The following RNF180 variants were observed in gnomAD, a reference collection of about 807,000 sequenced individuals.
The protein encoded by RNF180 is ring finger protein 180.
In RNF180, 38 loss-of-function variants were observed where a neutral mutation model predicts 59.2. The observed-to-expected ratio is 0.64, with a 90% CI of 0.50 to 0.84. The LOEUF (loss-of-function observed/expected upper bound fraction) is 0.84. Ranked by LOEUF, RNF180 falls within the 40% of genes least tolerant of loss-of-function variation. The pLI is 0.00. For synonymous variants in RNF180, 262 were observed against 240.3 expected (o/e 1.09, Z -0.84); for missense variants, 705 against 700.9 (o/e 1.01, Z -0.07).
At position 64,173,509 on chromosome 5, in the gene RNF180, T is replaced by C. The variant is rs551735866; in HGVS notation, c.-1+7556T>C. On this transcript the variant is annotated intron_variant, in intron 1 of 7. Transcript: ENST00000389100. ...TCTCTCTTCTTGGTATTTTGAAATA[T>C]ATACAATATAGTGTCGTTAACTATA... Among the ~76,000 whole-genome samples, 4 of 152,296 alleles carry C rather than the reference T, an allele frequency of 2.6e-5. No individual in the cohort carries two copies. In the South Asian group the frequency reaches 8.3e-4, roughly 32 times the overall value.
rs1752519153 is a variant in RNF180, at chr5:64,214,625, T to C, written c.1191+108T>C. The C allele has an allele frequency of 3.2e-6, 3 of 938,736 alleles. No individual in the cohort carries two copies. In the South Asian group the frequency reaches 5.2e-5, roughly 16 times the overall value. 58.2% of individuals were successfully genotyped at this position (938,736 alleles called of 1,614,324 possible). On this transcript the variant is annotated intron_variant, in intron 4 of 7. Transcript: ENST00000389100. The stretch of plus-strand genomic sequence containing the variant: ...TATAATAAAAACTTGGTTTTAGTAA[T>C]TCTGGAAATGCTATTTCTCTCTGAG...
intron 5 of RNF180, among the ~76,000 whole-genome samples, chr5:64,224,107 A>G (rs557053304): frequency 7.0e-4 from 102 of 145,154 alleles, no homozygotes; most frequent in South Asian, 2.1e-3. Flanking sequence ...GTGTGTGTAC[A>G]TACATATTTA....
At chr5:64,207,337 GAT>G (rs1476345990) in intron 2 of RNF180, among the ~76,000 whole-genome samples, 1 of 151,992 alleles carries the variant, frequency 6.6e-6, no homozygotes, top group East Asian at 1.9e-4. Flanking sequence ...CCTGTGTAGA[GAT>G]ATGATGGATA....
intron 1 of RNF180, among the ~76,000 whole-genome samples, chr5:64,189,589 T>C (rs1268942173): frequency 6.6e-6 from 1 of 152,162 alleles, no homozygotes; most frequent in Non-Finnish European, 1.5e-5. Flanking sequence ...GTAAGCGAAG[T>C]GTTGAAGATG....
At chr5:64,209,700 A>G (rs761152029) in intron 2 of RNF180, among the ~76,000 whole-genome samples, 7 of 152,056 alleles carry the variant, frequency 4.6e-5, no homozygotes, top group Non-Finnish European at 8.8e-5. Flanking sequence ...AGTCAGAACA[A>G]AATTCTGGAT....
intron 5 of RNF180, among the ~76,000 whole-genome samples, chr5:64,268,730 A>G (rs1032213167): frequency 2.0e-5 from 3 of 152,158 alleles, no homozygotes; most frequent in Non-Finnish European, 4.4e-5. Flanking sequence ...GCTCATCTAC[A>G]GTGCTGCAGC....
chr5:64,367,501 C>T (rs1746496728), intron 7 of RNF180, among the ~76,000 whole-genome samples: 1 of 151,574 alleles, frequency 6.6e-6, no homozygotes, highest in Admixed American at 6.6e-5. Context: ...TCTACAAATT[C>T]TGTTTAAATA....
Position 64,194,111 on chromosome 5 carries a change from G to A in RNF180, c.1-6697G>A, listed in dbSNP as rs143473140. Among the ~76,000 whole-genome samples, 533 of 152,072 alleles carry A rather than the reference G, an allele frequency of 3.5e-3. 7 individuals are homozygous for A. The highest frequency in any genetic ancestry group is 0.012 in the African/African-American group (488 of 41,494). On this transcript the variant is annotated intron_variant, in intron 1 of 7. Transcript: ENST00000389100. ...GTTGGTGTGCTGCACCCATTAACTC[G>A]TCATTTAACATTAGGTATATCTCCT...
intron 5 of RNF180, among the ~76,000 whole-genome samples, chr5:64,227,495 G>A (rs538382266): frequency 3.8e-4 from 58 of 152,316 alleles, no homozygotes; most frequent in Non-Finnish European, 6.6e-4. Flanking sequence ...TCAGCTGGTT[G>A]TTGGCCTTTG....
intron 5 of RNF180, among the ~76,000 whole-genome samples, chr5:64,242,638 G>A (rs150920485): frequency 4.6e-5 from 7 of 152,214 alleles, no homozygotes; most frequent in African/African-American, 1.7e-4. Flanking sequence ...AATGAGAAGA[G>A]AAAGATAAAG....
intron 5 of RNF180, among the ~76,000 whole-genome samples, chr5:64,233,702 C>T (rs768296957): frequency 4.6e-5 from 7 of 152,310 alleles, no homozygotes; most frequent in South Asian, 2.1e-4. Context: ...TATTCCTTTA[C>T]GGCCCTAACA....
intron 7 of RNF180, among the ~76,000 whole-genome samples, 160 bp from the exon 8 acceptor site, chr5:64,369,455 T>TATA (rs1482186378): frequency 2.3e-5 from 3 of 131,032 alleles, no homozygotes; most frequent in Non-Finnish European, 4.8e-5. Context: ...AAACTTAAAG[T>TATA]ATAATAATAA....
chr5:64,226,182 C>T lies in RNF180; in HGVS notation c.1227+8786C>T, dbSNP rs571848288. 3.9e-5 allele frequency among the ~76,000 whole-genome samples: 6 copies of T among 152,270 alleles called. No homozygotes were observed. In the South Asian group the frequency reaches 1.2e-3, roughly 32 times the overall value. On this transcript the variant is annotated intron_variant, in intron 5 of 7. Coordinates refer to ENST00000389100, the MANE Select transcript of RNF180 (RefSeq NM_001113561.2). ...ACAGCTCCGAAGAGGCAGCGACCAT[C>T]GAGAACGGGCCATGATGACAATGGC...
intron 5 of RNF180, among the ~76,000 whole-genome samples, chr5:64,294,037 A>G (rs991648950): frequency 3.3e-5 from 5 of 152,212 alleles, no homozygotes; most frequent in African/African-American, 9.6e-5. Flanking sequence ...ACATACTTCA[A>G]AATGACCTGC....
intron 6 of RNF180, among the ~76,000 whole-genome samples, chr5:64,329,654 C>T (rs1357182483): frequency 2.0e-5 from 3 of 151,974 alleles, no homozygotes; most frequent in Admixed American, 2.0e-4. Context: ...GATGGGGTTC[C>T]ACCATGTTGG....
At chr5:64,239,325 T>C (rs1441830676) in intron 5 of RNF180, among the ~76,000 whole-genome samples, 1 of 152,190 alleles carries the variant, frequency 6.6e-6, no homozygotes, top group Non-Finnish European at 1.5e-5. Flanking sequence ...ATATGCTCTT[T>C]AATGTTTGAG....
chr5:64,301,240 T>C (rs1743145170), intron 5 of RNF180, among the ~76,000 whole-genome samples: 1 of 151,752 alleles, frequency 6.6e-6, no homozygotes, highest in Non-Finnish European at 1.5e-5. Context: ...ACAATTAAAT[T>C]TATTCAATAT....
chr5:64,250,485 GT>G (rs753789961), intron 5 of RNF180, among the ~76,000 whole-genome samples: 2 of 151,656 alleles, frequency 1.3e-5, no homozygotes, highest in Admixed American at 6.6e-5. Flanking sequence ...AATATTGGGG[GT>G]TTTTTTAAAG....
chr5:64,172,850 A>G (rs1052950839), intron 1 of RNF180, among the ~76,000 whole-genome samples: 2 of 152,194 alleles, frequency 1.3e-5, no homozygotes, highest in Non-Finnish European at 2.9e-5. Flanking sequence ...TACACTGTTG[A>G]TTATTCCAGG....
Sources: allele counts gnomAD v4.1 joint callset (sites outside exome capture counted in the v4.1 genomes callset), GRCh38; gene constraint gnomAD v4.1.1; transcripts MANE v1.5; gene names NCBI Gene and HGNC (gene_info 2026-07-23, HGNC 2026-07-21).